Variants in LMBRD1 observed in about 807,000 individuals in gnomAD.
The protein encoded by LMBRD1 is lysosomal cobalamin transport escort protein LMBD1.
A neutral mutation model predicts 74.8 loss-of-function variants in LMBRD1; 64 were observed. The observed-to-expected ratio is 0.86, with a 90% CI of 0.70 to 1.05. LMBRD1 has a LOEUF of 1.05. LMBRD1 is among the 50% of genes least tolerant of loss of function. The pLI, the probability that LMBRD1 is intolerant of heterozygous loss-of-function variation, is 0.00. For missense variants in LMBRD1, 652 were observed against 645.9 expected, an observed-to-expected ratio of 1.01 and a Z score of -0.10; for synonymous variants, 204 against 216.3, an observed-to-expected ratio of 0.94 and a Z score of 0.50.
At chr6:69,714,835 C>T (rs1330616460) in intron 8 of LMBRD1, among the ~76,000 whole-genome samples, 4 of 152,068 alleles carry the variant, frequency 2.6e-5, no homozygotes, top group Non-Finnish European at 5.9e-5. Context: ...ATCATCCTCT[C>T]CCACGACTTA....
In LMBRD1 at chr6:69,701,472, G is replaced by A. The variant is rs771835523; in HGVS notation, c.1054C>T (p.Leu352=). The change falls in exon 11 of 16, where the codon CTG becomes TTG. Residue 352 remains leucine (L), a synonymous_variant. Coordinates refer to ENST00000649934, the MANE Select transcript of LMBRD1 (RefSeq NM_018368.4). ...TGTAGTAAAGGCAAAAGCATATTCAGTGGATTACTCAGGTTAGCTCCAAAA... is the reference window on the plus strand; with the variant it reads ...TGTAGTAAAGGCAAAAGCATATTCAATGGATTACTCAGGTTAGCTCCAAAA... ...IIFGANLSNP[L]NMLLPLLQTV... The A allele has an allele frequency of 1.2e-6, 2 of 1,605,046 alleles. No individual in the cohort carries two copies. Among genetic ancestry groups the A allele is most frequent in the Admixed American group, 1.7e-5 (1 of 59,674 alleles).
intron 14 of LMBRD1, among the ~76,000 whole-genome samples, chr6:69,677,437 T>C (rs994852262): frequency 4.6e-5 from 7 of 152,000 alleles, no homozygotes; most frequent in Admixed American, 4.6e-4. Context: ...TTTGGAAAAG[T>C]GGGGTTCTAA....
intron 4 of LMBRD1, among the ~76,000 whole-genome samples, chr6:69,751,256 C>A: frequency 6.6e-6 from 1 of 151,678 alleles, no homozygotes. Flanking sequence ...TATACCAATA[C>A]TTAAGTGATA....
chr6:69,701,912 A>C lies in LMBRD1; in HGVS notation c.957T>G (p.Phe319Leu). 6.2e-7 allele frequency: 1 copy of C among 1,601,338 alleles called. No homozygotes were observed. The stretch of plus-strand genomic sequence containing the variant: ...ACTTTGACAAGAAGAGAGAAATTAC[A>C]AACAGCAATGCAACTAAGATGAAAA... ...GIFFILVALL[F>L]VISLFLSNLD... Residue 319 changes from phenylalanine (F) to leucine (L), a missense_variant, in exon 10 of 16, where the codon TTT (phenylalanine) becomes TTG (leucine). Phe to Leu is a conservative substitution (Grantham distance 22). Transcript: ENST00000649934.
intron 13 of LMBRD1, among the ~76,000 whole-genome samples, chr6:69,698,253 G>A (rs1157932945): frequency 2.0e-5 from 3 of 151,870 alleles, no homozygotes; most frequent in African/African-American, 7.2e-5. Context: ...CTGATTGAGG[G>A]TTGATAGGTT....
intron 3 of LMBRD1, among the ~76,000 whole-genome samples, chr6:69,780,031 C>A (rs78147726): frequency 6.6e-6 from 1 of 151,778 alleles, no homozygotes; most frequent in Non-Finnish European, 1.5e-5. Flanking sequence ...ATGTTCCTGG[C>A]GACATGGCCG....
chr6:69,782,247 C>T lies in LMBRD1; in HGVS notation c.247-1693G>A, dbSNP rs144103755. 1.2e-4 allele frequency among the ~76,000 whole-genome samples: 19 copies of T among 152,312 alleles called. No individual in the cohort carries two copies. In the East Asian group the frequency reaches 1.7e-3, roughly 14 times the overall value. Reference sequence around the variant, plus strand: ...AATTACCTCAGGAGCTCTTACAAAGCGATAAGCTAGCCCAAATGGGCCCTT... The same window carrying T: ...AATTACCTCAGGAGCTCTTACAAAGTGATAAGCTAGCCCAAATGGGCCCTT... On this transcript the variant is annotated intron_variant, in intron 2 of 15. Transcript: ENST00000649934.
chr6:69,707,429 A>C (rs1415775258), intron 9 of LMBRD1, among the ~76,000 whole-genome samples: 1 of 152,174 alleles, frequency 6.6e-6, no homozygotes, highest in Non-Finnish European at 1.5e-5. Context: ...GTGAAGAAAA[A>C]GGCACTGTAT....
intron 9 of LMBRD1, among the ~76,000 whole-genome samples, chr6:69,711,356 G>A (rs6902295): frequency 0.36 from 55,045 of 151,882 alleles, 10,574 homozygotes; most frequent in East Asian, 0.54. Context: ...TAGATTTTTC[G>A]AGTGATGTGG....
At chr6:69,759,320 T>C (rs1040950960) in intron 3 of LMBRD1, among the ~76,000 whole-genome samples, 1 of 152,136 alleles carries the variant, frequency 6.6e-6, no homozygotes, top group Non-Finnish European at 1.5e-5. Context: ...CAACTCATTT[T>C]ACAAGGCTAG....
chr6:69,698,585 C>T (rs1218546751), intron 13 of LMBRD1, among the ~76,000 whole-genome samples: 2 of 151,892 alleles, frequency 1.3e-5, no homozygotes, highest in African/African-American at 4.8e-5. Flanking sequence ...ACCAATAAAT[C>T]AGCATATGAG....
intron 14 of LMBRD1, 75 bp from the exon 15 acceptor site, chr6:69,676,616 A>T: frequency 1.7e-6 from 2 of 1,145,740 alleles, no homozygotes; most frequent in South Asian, 1.3e-5. Context: ...TCTCTAAAAG[A>T]TTATTAACCA....
chr6:69,732,303 T>C (rs963775800), intron 7 of LMBRD1, among the ~76,000 whole-genome samples: 9 of 152,180 alleles, frequency 5.9e-5, no homozygotes, highest in Non-Finnish European at 1.2e-4. Context: ...ATAAGATTAA[T>C]GCCCTTATAA....
At chr6:69,717,890 G>A (rs1766526437) in intron 8 of LMBRD1, among the ~76,000 whole-genome samples, 1 of 151,986 alleles carries the variant, frequency 6.6e-6, no homozygotes. Context: ...GTAGAGATGG[G>A]GTTTTGCCAT....
At chr6:69,764,438 C>T (rs948171241) in intron 3 of LMBRD1, among the ~76,000 whole-genome samples, 4 of 152,158 alleles carry the variant, frequency 2.6e-5, no homozygotes, top group African/African-American at 9.7e-5. Flanking sequence ...AATCTGCTGG[C>T]TCCAGAACTA....
rs182223719 is a variant in LMBRD1, at chr6:69,675,386, T to C, written c.*772A>G. Among the ~76,000 whole-genome samples the C allele has an allele frequency of 3.5e-3, 529 of 152,286 alleles. 1 individual carries two copies. Among genetic ancestry groups the C allele is most frequent in the Non-Finnish European group, 5.6e-3 (378 of 68,012 alleles). ...CAAATCTTTAGAATGAAAAATTATC[T>C]CTAAAACCAAAATATGATGCCATAT... On this transcript the variant is annotated 3_prime_UTR_variant, in exon 16 of 16. Transcript: ENST00000649934.
chr6:69,678,157 T>G (rs772967736), intron 14 of LMBRD1, among the ~76,000 whole-genome samples: 4 of 152,208 alleles, frequency 2.6e-5, no homozygotes, highest in Non-Finnish European at 4.4e-5. Flanking sequence ...ATATTTTGTA[T>G]GTTATGTATA....
At chr6:69,775,093 T>TTGTA (rs1765671809) in intron 3 of LMBRD1, among the ~76,000 whole-genome samples, 1 of 151,116 alleles carries the variant, frequency 6.6e-6, no homozygotes, top group Non-Finnish European at 1.5e-5. Flanking sequence ...AAGGTACAAA[T>TTGTA]CCTTAAAGTT....
At chr6:69,790,494 T>C in intron 1 of LMBRD1, 22 bp from the exon 2 acceptor site, 1 of 1,604,548 alleles carries the variant, frequency 6.2e-7, no homozygotes, top group Non-Finnish European at 8.5e-7. Context: ...CAAAAAGAGA[T>C]GTTTGTTACT....
Sources: gnomAD v4.1 joint callset for allele counts (sites outside exome capture counted in the v4.1 genomes callset) on GRCh38, gnomAD v4.1.1 for gene constraint, MANE v1.5 for transcripts, NCBI Gene and HGNC (gene_info 2026-07-23, HGNC 2026-07-21) for gene names.